Variants in IFT56 observed in about 807,000 individuals in gnomAD.
IFT56 encodes intraflagellar transport 56.
the IFT56 span, among the ~76,000 whole-genome samples, chr7:139,163,072 C>T: frequency 2.0e-5 from 3 of 151,622 alleles, no homozygotes; most frequent in South Asian, 4.2e-4. Flanking sequence ...AGGCCGGGTG[C>T]GGTGACTCAT....
chr7:139,164,919 GAGAGA>G, the IFT56 span, among the ~76,000 whole-genome samples: 8 of 152,052 alleles, frequency 5.3e-5, no homozygotes, highest in Non-Finnish European at 1.0e-4. Flanking sequence ...AAGCAGAGAG[GAGAGA>G]AAAGAAGAGA....
At chr7:139,185,053 CAAA>C in the IFT56 span, among the ~76,000 whole-genome samples, 3 of 111,526 alleles carry the variant, frequency 2.7e-5, no homozygotes, top group Non-Finnish European at 2.0e-5. Context: ...GACTCCATCT[CAAA>C]AAAAAAAAAA....
the IFT56 span, among the ~76,000 whole-genome samples, chr7:139,157,135 A>G: frequency 1.3e-5 from 1 of 76,842 alleles, no homozygotes. Flanking sequence ...TAGATCTTTA[A>G]TTTCTTTTTT....
the IFT56 span, chr7:139,173,128 G>A: frequency 5.9e-6 from 4 of 682,160 alleles, no homozygotes; most frequent in Non-Finnish European, 1.1e-5. Flanking sequence ...TGGCATGGAT[G>A]GATTCAACAA....
the IFT56 span, chr7:139,133,959 G>T: frequency 7.0e-7 from 1 of 1,436,064 alleles, no homozygotes; most frequent in Non-Finnish European, 9.8e-7. Flanking sequence ...AGGTGTGTCC[G>T]CAGAGAGTAA....
the IFT56 span, among the ~76,000 whole-genome samples, chr7:139,144,586 G>C: frequency 6.6e-6 from 1 of 151,356 alleles, no homozygotes; most frequent in Non-Finnish European, 1.5e-5. Context: ...TTTCCTTCTA[G>C]GCTCCCAGTA....
the IFT56 span, among the ~76,000 whole-genome samples, chr7:139,186,429 A>G: frequency 2.0e-5 from 3 of 151,272 alleles, no homozygotes; most frequent in African/African-American, 7.3e-5. Context: ...CTATCTCTAA[A>G]AAAAAAAAAA....
At chr7:139,158,022 A>T in the IFT56 span, among the ~76,000 whole-genome samples, 2 of 151,954 alleles carry the variant, frequency 1.3e-5, no homozygotes, top group East Asian at 3.9e-4. Context: ...CTAAGAAATC[A>T]TACCTACCCG....
the IFT56 span, among the ~76,000 whole-genome samples, chr7:139,146,726 C>T: frequency 7.2e-6 from 1 of 137,974 alleles, no homozygotes; most frequent in African/African-American, 2.8e-5. Context: ...GAGATCGTGC[C>T]ATTGCACTCC....
chr7:139,134,802 A>G, the IFT56 span: 10 of 1,611,380 alleles, frequency 6.2e-6, no homozygotes, highest in South Asian at 4.4e-5. Flanking sequence ...GGTAATGCCC[A>G]AAGAACGTTG....
the IFT56 span, among the ~76,000 whole-genome samples, chr7:139,147,706 T>C: frequency 6.6e-6 from 1 of 152,228 alleles, no homozygotes; most frequent in Non-Finnish European, 1.5e-5. Flanking sequence ...TCAAACTTAG[T>C]GTTATAGTTA....
the IFT56 span, among the ~76,000 whole-genome samples, chr7:139,135,781 A>G: frequency 6.6e-6 from 1 of 152,162 alleles, no homozygotes. Flanking sequence ...TTCTGACAGC[A>G]TGGTCTGGTT....
At chr7:139,138,809 T>TA in the IFT56 span, among the ~76,000 whole-genome samples, 1 of 143,254 alleles carries the variant, frequency 7.0e-6, no homozygotes, top group Admixed American at 7.1e-5. Flanking sequence ...ATTATGGATT[T>TA]ACTTTTTTTT....
At chr7:139,135,051 CG>C in the IFT56 span, among the ~76,000 whole-genome samples, 5 of 152,040 alleles carry the variant, frequency 3.3e-5, no homozygotes, top group Non-Finnish European at 7.4e-5. Flanking sequence ...GAGGCCGAGA[CG>C]GGCAGATCAC....
the IFT56 span, among the ~76,000 whole-genome samples, chr7:139,176,259 C>T: frequency 1.3e-5 from 2 of 151,884 alleles, no homozygotes; most frequent in Non-Finnish European, 2.9e-5. Context: ...ATGCATACCC[C>T]ATTTACCCTG....
At chr7:139,159,401 A>G in the IFT56 span, among the ~76,000 whole-genome samples, 4 of 152,094 alleles carry the variant, frequency 2.6e-5, no homozygotes, top group South Asian at 2.1e-4. Flanking sequence ...TTTGTTTTTA[A>G]TCCTATTATA....
At chr7:139,181,191 G>A in the IFT56 span, 1 of 1,608,318 alleles carries the variant, frequency 6.2e-7, no homozygotes, top group Non-Finnish European at 8.5e-7. Flanking sequence ...GCTAATGACT[G>A]CTACAAGGTG....
At chr7:139,154,265 T>C in the IFT56 span, among the ~76,000 whole-genome samples, 1 of 152,130 alleles carries the variant, frequency 6.6e-6, no homozygotes, top group Non-Finnish European at 1.5e-5. Context: ...TGCAAATGCT[T>C]TCTCCTATCC....
chr7:139,142,247 T>C, the IFT56 span: 6 of 1,614,178 alleles, frequency 3.7e-6, no homozygotes, highest in African/African-American at 6.7e-5. Flanking sequence ...GCTTGGATTT[T>C]TTTTTCAGCT....
Sources: allele counts gnomAD v4.1 joint callset (sites outside exome capture counted in the v4.1 genomes callset), GRCh38; gene constraint gnomAD v4.1.1; transcripts MANE v1.5; gene names NCBI Gene and HGNC (gene_info 2026-07-23, HGNC 2026-07-21).